The following GPC6 variants were observed in gnomAD, a reference collection of about 807,000 sequenced individuals.
GPC6 encodes the protein glypican-6.
GPC6 carries 14 observed loss-of-function variants against 55.2 expected under a neutral mutation model. The observed-to-expected ratio is 0.25, with a 90% CI of 0.17 to 0.40. The LOEUF is 0.40. Among genes scored for constraint, GPC6 ranks in the 10% least tolerant of loss-of-function variants. The probability of loss-of-function intolerance (pLI) is 1.00; values close to 1 mark genes in which losing one functional copy is unlikely to be tolerated. For synonymous variants in GPC6, 278 were observed against 259.6 expected, an observed-to-expected ratio of 1.07 and a Z score of -0.68; for missense variants, 641 against 708.5, an observed-to-expected ratio of 0.90 and a Z score of 1.08.
intron 2 of GPC6, among the ~76,000 whole-genome samples, chr13:93,712,334 T>C (rs1883097383): frequency 6.6e-6 from 1 of 151,710 alleles, no homozygotes; most frequent in Non-Finnish European, 1.5e-5. Context: ...AGGGCAATCA[T>C]ATGAAATATA....
intron 3 of GPC6, among the ~76,000 whole-genome samples, chr13:93,875,461 A>G (rs1467911336): frequency 6.6e-6 from 1 of 152,018 alleles, no homozygotes; most frequent in Non-Finnish European, 1.5e-5. Context: ...GATCAATTCA[A>G]ATGATCCAGA....
intron 4 of GPC6, among the ~76,000 whole-genome samples, chr13:94,253,103 G>T (rs1891407797): frequency 6.6e-6 from 1 of 152,110 alleles, no homozygotes; most frequent in African/African-American, 2.4e-5. Context: ...TGAATCTCCA[G>T]AGGTATGTAG....
chr13:93,321,033 ATTT>A (rs1879419794), intron 1 of GPC6, among the ~76,000 whole-genome samples: 1 of 152,122 alleles, frequency 6.6e-6, no homozygotes, highest in African/African-American at 2.4e-5. Context: ...TTGATTGTTA[ATTT>A]CCAGGTCAGC....
chr13:94,164,280 T>C (rs1028686736), intron 4 of GPC6, among the ~76,000 whole-genome samples: 1 of 152,206 alleles, frequency 6.6e-6, no homozygotes, highest in African/African-American at 2.4e-5. Context: ...GGGATACAAC[T>C]TTGTAGTTTG....
chr13:93,299,929 A>T (rs1207691901), intron 1 of GPC6, among the ~76,000 whole-genome samples: 1 of 152,238 alleles, frequency 6.6e-6, no homozygotes, highest in Admixed American at 6.5e-5. Flanking sequence ...TTAATAAAGC[A>T]GGGAAGATAT....
intron 4 of GPC6, among the ~76,000 whole-genome samples, chr13:94,242,075 C>A (rs940417449): frequency 1.3e-5 from 2 of 151,970 alleles, no homozygotes; most frequent in African/African-American, 4.8e-5. Context: ...CCACTCCCCC[C>A]ACCCCACAAC....
intron 1 of GPC6, among the ~76,000 whole-genome samples, chr13:93,403,526 C>T (rs1053376352): frequency 6.6e-6 from 1 of 152,202 alleles, no homozygotes; most frequent in African/African-American, 2.4e-5. Flanking sequence ...GAGATGTCCT[C>T]TCCTAAGATG....
chr13:93,435,282 T>TATC (rs1325747480), intron 1 of GPC6, among the ~76,000 whole-genome samples: 1 of 151,184 alleles, frequency 6.6e-6, no homozygotes, highest in Non-Finnish European at 1.5e-5. Context: ...GCCCAGCTAT[T>TATC]ATTATTATTA....
chr13:94,184,800 C>A (rs960145335), intron 4 of GPC6, among the ~76,000 whole-genome samples: 1 of 152,064 alleles, frequency 6.6e-6, no homozygotes, highest in Non-Finnish European at 1.5e-5. Flanking sequence ...GGTATACATG[C>A]CAAGTGAAAT....
At chr13:93,929,634 C>T (rs1026573568) in intron 3 of GPC6, among the ~76,000 whole-genome samples, 19 of 151,856 alleles carry the variant, frequency 1.3e-4, no homozygotes, top group African/African-American at 3.9e-4. Context: ...GGAATTAGAC[C>T]TTCTTGCCCT....
chr13:93,868,163 T>C (rs1889027347), intron 3 of GPC6, among the ~76,000 whole-genome samples: 1 of 151,756 alleles, frequency 6.6e-6, no homozygotes, highest in Non-Finnish European at 1.5e-5. Context: ...ACCACAATGC[T>C]TCTTCCCATG....
At chr13:93,839,007 T>G (rs1056450789) in intron 3 of GPC6, among the ~76,000 whole-genome samples, 1 of 151,790 alleles carries the variant, frequency 6.6e-6, no homozygotes, top group Non-Finnish European at 1.5e-5. Flanking sequence ...CAAAGACAAA[T>G]GATGAGAACC....
chr13:93,910,399 T>C (rs533794385), intron 3 of GPC6, among the ~76,000 whole-genome samples: 1 of 152,234 alleles, frequency 6.6e-6, no homozygotes, highest in Non-Finnish European at 1.5e-5. Flanking sequence ...CTTTCCTTTA[T>C]AAATTATCTA....
chr13:93,969,132 G>A (rs540647442), intron 3 of GPC6, among the ~76,000 whole-genome samples: 5 of 152,252 alleles, frequency 3.3e-5, no homozygotes, highest in Admixed American at 3.3e-4. Context: ...ACACACTGTG[G>A]TCATCTTCCC....
At chr13:94,260,698 A>T (rs1891632253) in intron 4 of GPC6, among the ~76,000 whole-genome samples, 1 of 152,152 alleles carries the variant, frequency 6.6e-6, no homozygotes, top group Non-Finnish European at 1.5e-5. Context: ...GCCCACAGCC[A>T]CATCATAGGG....
intron 1 of GPC6, among the ~76,000 whole-genome samples, chr13:93,291,576 G>T (rs944343470): frequency 6.6e-6 from 1 of 152,060 alleles, no homozygotes; most frequent in African/African-American, 2.4e-5. Flanking sequence ...TCTTCAGCCA[G>T]TAATTTTTGT....
intron 4 of GPC6, among the ~76,000 whole-genome samples, chr13:94,037,656 C>T (rs1157713531): frequency 6.6e-6 from 1 of 151,872 alleles, no homozygotes; most frequent in African/African-American, 2.4e-5. Flanking sequence ...TTTCAGTGAC[C>T]TGTTCAAGGT....
At chr13:93,480,183 C>A (rs1879464080) in intron 1 of GPC6, among the ~76,000 whole-genome samples, 1 of 151,958 alleles carries the variant, frequency 6.6e-6, no homozygotes, top group South Asian at 2.1e-4. Flanking sequence ...GAAAACTAAT[C>A]AACATTTTAA....
intron 6 of GPC6, among the ~76,000 whole-genome samples, chr13:94,322,806 T>C (rs950423535): frequency 3.3e-5 from 5 of 152,008 alleles, no homozygotes; most frequent in Non-Finnish European, 5.9e-5. Flanking sequence ...GGTTCTGCTG[T>C]GGGTTGCAGA....
Sources: allele counts gnomAD v4.1 joint callset (sites outside exome capture counted in the v4.1 genomes callset), GRCh38; gene constraint gnomAD v4.1.1; transcripts MANE v1.5; gene names NCBI Gene and HGNC (gene_info 2026-07-23, HGNC 2026-07-21).